Variants in PHACTR3 observed in about 807,000 individuals in gnomAD.
PHACTR3 encodes protein phosphatase 1, regulatory subunit 123.
In PHACTR3, 16 loss-of-function variants were observed where a neutral mutation model predicts 66.8. The ratio of observed to expected loss-of-function variants is 0.24; its 90% CI spans 0.16 to 0.36. The LOEUF (loss-of-function observed/expected upper bound fraction) is 0.36. Ranked by LOEUF, PHACTR3 falls within the 10% of genes least tolerant of loss-of-function variation. The pLI is 1.00. For missense variants in PHACTR3, 647 were observed against 719.9 expected (o/e 0.90, Z 1.16); for synonymous variants, 323 against 292.1 (o/e 1.11, Z -1.08).
intron 1 of PHACTR3, among the ~76,000 whole-genome samples, chr20:59,694,727 TA>T (rs2037233076): frequency 6.6e-6 from 1 of 152,098 alleles, no homozygotes; most frequent in South Asian, 2.1e-4. Flanking sequence ...GCTTTTAGAA[TA>T]GGGACCATCA....
At chr20:59,660,479 G>A (rs1443441448) in intron 1 of PHACTR3, among the ~76,000 whole-genome samples, 6 of 152,180 alleles carry the variant, frequency 3.9e-5, no homozygotes, top group Non-Finnish European at 5.9e-5. Context: ...GGGGGACAGC[G>A]AGACTCCGTC....
chr20:59,674,857 GTTGCC>G (rs1403072444), intron 1 of PHACTR3, among the ~76,000 whole-genome samples: 1 of 53,380 alleles, frequency 1.9e-5, no homozygotes, highest in African/African-American at 1.1e-4. Context: ...GCCTTCTCCT[GTTGCC>G]CCTTCTCCTG....
At chr20:59,634,783 C>T (rs1412867366) in intron 1 of PHACTR3, among the ~76,000 whole-genome samples, 1 of 152,210 alleles carries the variant, frequency 6.6e-6, no homozygotes, top group African/African-American at 2.4e-5. Context: ...TGCGCCATGC[C>T]GCCCGGGATT....
upstream of PHACTR3, among the ~76,000 whole-genome samples, chr20:59,599,797 C>T (rs1298316587): frequency 2.0e-5 from 3 of 152,174 alleles, no homozygotes; most frequent in African/African-American, 4.8e-5. Flanking sequence ...CAGAGAACAC[C>T]GAGTCCAGCC....
chr20:59,678,714 A>G (rs892079997), intron 1 of PHACTR3, among the ~76,000 whole-genome samples: 4 of 152,204 alleles, frequency 2.6e-5, no homozygotes, highest in South Asian at 2.1e-4. Flanking sequence ...TTCAGGGGGA[A>G]AGTTATGATA....
chr20:59,759,181 C>T (rs977470330), intron 4 of PHACTR3, among the ~76,000 whole-genome samples: 7 of 152,092 alleles, frequency 4.6e-5, no homozygotes, highest in Non-Finnish European at 1.0e-4. Flanking sequence ...GGGACAACCC[C>T]GAGGCCTCAT....
At chr20:59,844,431 GGATA>G (rs1431311390) in intron 11 of PHACTR3, 1 of 152,052 alleles carries the variant, frequency 6.6e-6, no homozygotes, top group East Asian at 1.9e-4. Flanking sequence ...ATAGATTAAT[GGATA>G]AAGAAAATGT....
rs139474004 is a variant in PHACTR3 at position 59,730,149 on chromosome 20, G to T, written c.119-12958G>T. ...GGTCACACTTGGTCTCTGCTCTCAC[G>T]GTCAAGTAGCCAGGATGGACATAAA... On this transcript the variant is annotated intron_variant, in intron 1 of 12. Transcript: ENST00000371015. Among the ~76,000 whole-genome samples, 50 of 152,226 alleles carry T rather than the reference G, an allele frequency of 3.3e-4. No homozygotes were observed. In the East Asian group the frequency reaches 9.6e-3, roughly 29 times the overall value.
At chr20:59,607,151 C>T (rs1043700533) in intron 1 of PHACTR3, among the ~76,000 whole-genome samples, 2 of 152,118 alleles carry the variant, frequency 1.3e-5, no homozygotes. Flanking sequence ...CTCAGTTCTT[C>T]CTGATGTAGT....
chr20:59,791,594 CTTTTTTT>C (rs529215124), intron 7 of PHACTR3, among the ~76,000 whole-genome samples: 3 of 143,310 alleles, frequency 2.1e-5, no homozygotes, highest in Admixed American at 7.0e-5. Context: ...TTTCTTTTTT[CTTTTTTT>C]TTTTTTAACT....
At chr20:59,839,492 C>T (rs1166029721) in intron 9 of PHACTR3, among the ~76,000 whole-genome samples, 1 of 152,142 alleles carries the variant, frequency 6.6e-6, no homozygotes, top group African/African-American at 2.4e-5. Context: ...TCTAGGAGTG[C>T]TGATTGTTGA....
intron 1 of PHACTR3, among the ~76,000 whole-genome samples, chr20:59,598,263 C>T (rs2033381495): frequency 1.3e-5 from 2 of 152,252 alleles, no homozygotes. Context: ...AGGAGAATAT[C>T]AAAGGGCAGG....
intron 1 of PHACTR3, among the ~76,000 whole-genome samples, chr20:59,675,008 G>C (rs2036401048): frequency 1.4e-5 from 1 of 72,070 alleles, no homozygotes; most frequent in African/African-American, 6.8e-5. Flanking sequence ...CCCTTCTCCT[G>C]TTCCTCCCCA....
chr20:59,715,464 A>G (rs1307305209), intron 1 of PHACTR3, among the ~76,000 whole-genome samples: 2 of 152,204 alleles, frequency 1.3e-5, no homozygotes, highest in East Asian at 3.8e-4. Flanking sequence ...TTGCATTTCT[A>G]GATTAAACCT....
chr20:59,805,920 C>T, intron 7 of PHACTR3, 121 bp from the exon 8 acceptor site: 1 of 1,072,736 alleles, frequency 9.3e-7, no homozygotes, highest in Non-Finnish European at 1.4e-6. Flanking sequence ...TTCTAGCCAC[C>T]ATCACCCTGG....
intron 1 of PHACTR3, among the ~76,000 whole-genome samples, chr20:59,661,715 A>G (rs2035811358): frequency 6.6e-6 from 1 of 150,616 alleles, no homozygotes; most frequent in African/African-American, 2.4e-5. Flanking sequence ...TTCTGCATGC[A>G]TGTGGTCTTG....
intron 1 of PHACTR3, among the ~76,000 whole-genome samples, chr20:59,669,758 G>A (rs1204184808): frequency 6.6e-6 from 1 of 152,158 alleles, no homozygotes; most frequent in Non-Finnish European, 1.5e-5. Flanking sequence ...CCTTCATTTG[G>A]CATCATGTTT....
intron 3 of PHACTR3, among the ~76,000 whole-genome samples, chr20:59,748,211 A>G (rs7268469): frequency 0.054 from 8,236 of 152,106 alleles, 342 homozygotes; most frequent in African/African-American, 0.12. Flanking sequence ...ATTTGGGCAA[A>G]TTATTTTTAA....
chr20:59,740,564 T>C (rs982088998), intron 1 of PHACTR3, among the ~76,000 whole-genome samples: 5 of 152,232 alleles, frequency 3.3e-5, no homozygotes, highest in African/African-American at 1.2e-4. Context: ...CCCAAAGCAT[T>C]ACGATTACAG....
Sources: allele counts gnomAD v4.1 joint callset (sites outside exome capture counted in the v4.1 genomes callset), GRCh38; gene constraint gnomAD v4.1.1; transcripts MANE v1.5; gene names NCBI Gene and HGNC (gene_info 2026-07-23, HGNC 2026-07-21).